The following CSNK2A2IP variants were observed in gnomAD, a reference collection of about 807,000 sequenced individuals.
The protein encoded by CSNK2A2IP is casein kinase II subunit alpha'-interacting protein.
At chr3:88,382,540 A>G in the CSNK2A2IP span, 3 of 152,156 alleles carry the variant, frequency 2.0e-5, no homozygotes, top group East Asian at 1.9e-4. Context: ...CTTATGAAGG[A>G]TTTTTGTTTT....
chr3:88,447,726 C>T, the CSNK2A2IP span, among the ~76,000 whole-genome samples: 2 of 151,848 alleles, frequency 1.3e-5, no homozygotes, highest in Admixed American at 6.6e-5. Context: ...TTTGTTTTCT[C>T]GATGATATAT....
At chr3:88,364,938 A>G in the CSNK2A2IP span, among the ~76,000 whole-genome samples, 1 of 152,196 alleles carries the variant, frequency 6.6e-6, no homozygotes, top group Non-Finnish European at 1.5e-5. Context: ...ACTGTTCCAG[A>G]TTATCTCATT....
chr3:88,464,384 T>G, the CSNK2A2IP span, among the ~76,000 whole-genome samples: 4 of 151,434 alleles, frequency 2.6e-5, no homozygotes, highest in South Asian at 8.3e-4. Flanking sequence ...TGTGATTACT[T>G]AGGAATAAAC....
chr3:88,346,564 A>G, the CSNK2A2IP span, among the ~76,000 whole-genome samples: 2 of 152,020 alleles, frequency 1.3e-5, no homozygotes, highest in African/African-American at 4.8e-5. Flanking sequence ...CCTGTGCACT[A>G]GAAATGGAAC....
At chr3:88,360,000 CT>C in the CSNK2A2IP span, among the ~76,000 whole-genome samples, 191 of 152,250 alleles carry the variant, frequency 1.3e-3, 2 homozygotes, top group African/African-American at 4.3e-3. Context: ...GTGAATCTCT[CT>C]ATCTCCAATA....
the CSNK2A2IP span, among the ~76,000 whole-genome samples, chr3:88,427,322 G>A: frequency 1.3e-5 from 2 of 152,184 alleles, no homozygotes; most frequent in African/African-American, 2.4e-5. Context: ...GCGTTCAAGA[G>A]GAAGCAGAGT....
the CSNK2A2IP span, chr3:88,465,656 C>T: frequency 1.6e-4 from 192 of 1,231,668 alleles, no homozygotes; most frequent in East Asian, 6.0e-3. Flanking sequence ...CATCAGAACA[C>T]ACCTTCAATA....
the CSNK2A2IP span, among the ~76,000 whole-genome samples, chr3:88,425,795 A>C: frequency 1.3e-5 from 2 of 152,246 alleles, no homozygotes; most frequent in African/African-American, 4.8e-5. Flanking sequence ...GTGCTTTTCC[A>C]CCAAGATTAT....
chr3:88,385,292 G>T, the CSNK2A2IP span, among the ~76,000 whole-genome samples: 7 of 151,422 alleles, frequency 4.6e-5, no homozygotes, highest in Admixed American at 6.6e-5. Context: ...AGAGGAGAGG[G>T]TTTCAGGAAG....
the CSNK2A2IP span, among the ~76,000 whole-genome samples, chr3:88,372,149 A>G: frequency 6.6e-6 from 1 of 151,714 alleles, no homozygotes; most frequent in Non-Finnish European, 1.5e-5. Context: ...TCAATTTTTT[A>G]AAAGATCTAT....
At chr3:88,398,321 A>C in the CSNK2A2IP span, among the ~76,000 whole-genome samples, 1 of 152,128 alleles carries the variant, frequency 6.6e-6, no homozygotes, top group Non-Finnish European at 1.5e-5. Flanking sequence ...GATACTTAAA[A>C]ATTCCATGCT....
At chr3:88,414,437 C>G in the CSNK2A2IP span, among the ~76,000 whole-genome samples, 16,711 of 151,266 alleles carry the variant, frequency 0.11, 1,120 homozygotes, top group East Asian at 0.23. Context: ...CGTGCCCCAA[C>G]ACGCCCAGCT....
the CSNK2A2IP span, chr3:88,343,262 T>A: frequency 6.6e-6 from 1 of 152,460 alleles, no homozygotes; most frequent in South Asian, 2.1e-4. Context: ...ATTTTTCATT[T>A]CCTTTTGACA....
At chr3:88,452,137 T>C in the CSNK2A2IP span, among the ~76,000 whole-genome samples, 9 of 151,916 alleles carry the variant, frequency 5.9e-5, no homozygotes, top group Non-Finnish European at 1.3e-4. Context: ...CACCCCTTGC[T>C]CCTAATCTCC....
chr3:88,401,268 A>C, the CSNK2A2IP span, among the ~76,000 whole-genome samples: 2 of 152,092 alleles, frequency 1.3e-5, no homozygotes, highest in African/African-American at 4.8e-5. Flanking sequence ...ATTTCACAAG[A>C]TCTTATGTCT....
chr3:88,366,502 T>G, the CSNK2A2IP span, among the ~76,000 whole-genome samples: 26 of 152,280 alleles, frequency 1.7e-4, no homozygotes, highest in East Asian at 4.8e-3. Flanking sequence ...AAATGATTCT[T>G]GAAGTTAAAA....
At chr3:88,355,922 T>C in the CSNK2A2IP span, among the ~76,000 whole-genome samples, 1 of 152,164 alleles carries the variant, frequency 6.6e-6, no homozygotes, top group Non-Finnish European at 1.5e-5. Flanking sequence ...TGTCCCATAG[T>C]TAACCGATGC....
chr3:88,411,305 G>A, the CSNK2A2IP span, among the ~76,000 whole-genome samples: 4 of 151,870 alleles, frequency 2.6e-5, no homozygotes, highest in East Asian at 5.8e-4. Flanking sequence ...GTGTCTACAA[G>A]TGACATAAAA....
chr3:88,452,109 C>T, the CSNK2A2IP span, among the ~76,000 whole-genome samples: 1 of 151,964 alleles, frequency 6.6e-6, no homozygotes, highest in Admixed American at 6.6e-5. Context: ...TACCCTGTTT[C>T]ATACCATGTC....
Sources: allele counts gnomAD v4.1 joint callset (sites outside exome capture counted in the v4.1 genomes callset), GRCh38; gene constraint gnomAD v4.1.1; transcripts MANE v1.5; gene names NCBI Gene and HGNC (gene_info 2026-07-23, HGNC 2026-07-21).